The following PRSS41 variants were observed in gnomAD, a reference collection of about 807,000 sequenced individuals.
PRSS41 encodes the protein protease, serine 41.
A neutral mutation model predicts 28.8 loss-of-function variants in PRSS41; 37 were observed. That is an observed-to-expected ratio of 1.29 (90% CI 0.99 to 1.69). The LOEUF is 1.69. Among genes scored for constraint, PRSS41 ranks in the 40% most tolerant of loss-of-function variants. The pLI is 0.00. For missense variants in PRSS41, 431 were observed against 400.7 expected (o/e 1.08, Z -0.65); for synonymous variants, 195 against 163.1 (o/e 1.20, Z -1.49).
rs1251816694 is a variant in PRSS41 at position 2,804,385 on chromosome 16, C to T, written c.542-4C>T. On this transcript the variant is annotated splice_polypyrimidine_tract_variant and splice_region_variant and intron_variant, in intron 4 of 5. Transcript: ENST00000399677. ...GGTGCTGTCCTTTTCTGTCCTATCT[C>T]CAGCACCTCTGCCACCTCCTTACAA... The T allele has an allele frequency of 6.4e-6, 10 of 1,551,224 alleles. No individual in the cohort carries two copies. The highest frequency in any genetic ancestry group is 8.7e-6 in the Non-Finnish European group (10 of 1,146,926).
chr16:2,800,542 C>CAAAAAAAAAA (rs56393015), intron 4 of PRSS41, among the ~76,000 whole-genome samples: 1 of 81,944 alleles, frequency 1.2e-5, no homozygotes, highest in Admixed American at 1.2e-4. Flanking sequence ...GACTCCATCT[C>CAAAAAAAAAA]AAAAAAAAAA....
intron 4 of PRSS41, 34 bp from the exon 5 acceptor site, chr16:2,804,355 T>G: frequency 6.5e-7 from 1 of 1,547,666 alleles, no homozygotes; most frequent in South Asian, 1.2e-5. Context: ...AGAGGAGAGG[T>G]GAAGGGTGCT....
At position 2,799,036 on chromosome 16, in the gene PRSS41, G is replaced by T. The variant is rs769699754; in HGVS notation, c.169G>T (p.Ala57Ser). The change falls in exon 3 of 6, where the codon GCC becomes TCC. Residue 57 changes from alanine (A) to serine (S), a missense_variant. Coordinates refer to ENST00000399677, the Ensembl canonical transcript of PRSS41. ...CGCGCGCGGGCGCTGGCCATGGCAG[G>T]CCAGCCTGCGCCTGAGGAGACGCCA... 5 of 1,532,914 alleles carry T rather than the reference G, an allele frequency of 3.3e-6. No homozygotes were observed. The South Asian group carries it at 4.8e-5, about 15-fold the overall frequency. 95.0% of individuals were successfully genotyped at this position (1,532,914 alleles called of 1,614,324 possible). A position where few individuals can be genotyped will look rare whatever the true frequency, so the allele number is the denominator to read the frequency against.
At chr16:2,802,516 G>A (rs937537862) in intron 4 of PRSS41, among the ~76,000 whole-genome samples, 2 of 152,210 alleles carry the variant, frequency 1.3e-5, no homozygotes, top group Non-Finnish European at 2.9e-5. Flanking sequence ...GGCACTTTGG[G>A]AGGCCAAGGC....
At chr16:2,800,470 G>A (rs2068978716) in intron 4 of PRSS41, among the ~76,000 whole-genome samples, 1 of 150,360 alleles carries the variant, frequency 6.7e-6, no homozygotes, top group Non-Finnish European at 1.5e-5. Context: ...GAACCCGTGA[G>A]GGGCAGAGGT....
intron 2 of PRSS41, 94 bp from the exon 3 acceptor site, chr16:2,798,865 C>T: frequency 7.3e-7 from 1 of 1,369,866 alleles, no homozygotes; most frequent in African/African-American, 1.5e-5. Context: ...CGGGGAGCCC[C>T]CCGCTGCGCG....
At chr16:2,805,024 C>A (rs1209244547) in exon 6 of PRSS41, 1 of 1,563,974 alleles carries the variant, frequency 6.4e-7, no homozygotes, top group Non-Finnish European at 8.7e-7. Context: ...GTGTCTACAC[C>A]AACATCAGTG....
chr16:2,798,725 T>C, intron 2 of PRSS41, 63 bp downstream of exon 2: 1 of 1,350,576 alleles, frequency 7.4e-7, no homozygotes, highest in Non-Finnish European at 9.7e-7. Flanking sequence ...CGGGGGCCCA[T>C]CTACTGCTCT....
chr16:2,801,336 ATT>A (rs777421981), intron 4 of PRSS41, among the ~76,000 whole-genome samples: 2 of 138,834 alleles, frequency 1.4e-5, no homozygotes, highest in African/African-American at 5.4e-5. Flanking sequence ...TTGGACTCTT[ATT>A]TTTTTTTTTA....
In PRSS41 at chr16:2,799,534, G is replaced by A; in HGVS notation, c.506G>A (p.Trp169Ter). 6.4e-7 allele frequency: 1 copy of A among 1,551,774 alleles called. No individual in the cohort carries two copies. The highest frequency in any genetic ancestry group is 8.7e-7 in the Non-Finnish European group (1 of 1,147,036). The change falls in exon 4 of 6, where the codon TGG (tryptophan) becomes TAG (stop). Residue 169 changes from tryptophan to a stop codon, truncating the protein, a stop_gained. Coordinates refer to ENST00000399677, the Ensembl canonical transcript of PRSS41. LOFTEE classifies it high-confidence loss of function. Reference sequence around the variant, plus strand: ...AACTTCGTGCACCGGCCGGACTGCTGGGTGACCGGCTGGGGGTTAATCAGC... The same window carrying A: ...AACTTCGTGCACCGGCCGGACTGCTAGGTGACCGGCTGGGGGTTAATCAGC...
rs192140999 is a variant in PRSS41, at chr16:2,800,367, C to G, written c.541+798C>G. On this transcript the variant is annotated intron_variant, in intron 4 of 5. Coordinates refer to ENST00000399677, the Ensembl canonical transcript of PRSS41. Reference sequence around the variant, plus strand: ...ACCAGCCTGACCAATATGGTGAAACCCCGTCTCTACTAAAAATACAAAAAT... The same window carrying G: ...ACCAGCCTGACCAATATGGTGAAACGCCGTCTCTACTAAAAATACAAAAAT... Among the ~76,000 whole-genome samples the G allele has an allele frequency of 2.6e-4, 39 of 152,004 alleles. No homozygotes were observed. In the East Asian group the frequency reaches 7.0e-3, roughly 27 times the overall value.
At chr16:2,801,913 G>A (rs1251310594) in intron 4 of PRSS41, among the ~76,000 whole-genome samples, 1 of 151,520 alleles carries the variant, frequency 6.6e-6, no homozygotes, top group African/African-American at 2.4e-5. Flanking sequence ...CCCAGTAGGG[G>A]CGGCCGGGCA....
chr16:2,801,882 G>A (rs1278380042), intron 4 of PRSS41, among the ~76,000 whole-genome samples: 7 of 151,990 alleles, frequency 4.6e-5, no homozygotes, highest in Admixed American at 2.6e-4. Context: ...GGTGGTGGCC[G>A]GGCAGAGGGG....
At chr16:2,799,049 TGAG>T in exon 3 of PRSS41, 2 of 1,533,212 alleles carry the variant, frequency 1.3e-6, no homozygotes, top group Non-Finnish European at 1.7e-6. Flanking sequence ...AGCCTGCGCC[TGAG>T]GAGACGCCAC....
chr16:2,799,303 A>T, exon 4 of PRSS41: 3 of 1,551,480 alleles, frequency 1.9e-6, no homozygotes, highest in Non-Finnish European at 2.6e-6. Context: ...TATCCCTCCG[A>T]GTGGACGGTC....
At chr16:2,798,889 A>G (rs1164849455) in intron 2 of PRSS41, 70 bp from the exon 3 acceptor site, 4 of 1,440,220 alleles carry the variant, frequency 2.8e-6, no homozygotes, top group Non-Finnish European at 2.7e-6. Flanking sequence ...CCCGGGGCAA[A>G]GCCGGGCAGG....
At position 2,798,915 on chromosome 16, in the gene PRSS41, C is replaced by A; in HGVS notation, c.92-44C>A. 10 of 1,480,958 alleles carry A rather than the reference C, an allele frequency of 6.8e-6. No homozygotes were observed. The South Asian group carries it at 8.8e-5, about 13-fold the overall frequency. The allele number at this position is 1,480,958 out of a possible 1,614,324, so 91.7% of individuals were successfully genotyped here. ...GCCGGGCAGGGCGGGCCTGCCCACCCCACCCCACCCGGCAGCTCAGCCGCG... is the reference window on the plus strand; with the variant it reads ...GCCGGGCAGGGCGGGCCTGCCCACCACACCCCACCCGGCAGCTCAGCCGCG... On this transcript the variant is annotated intron_variant, in intron 2 of 5. Transcript: ENST00000399677.
At chr16:2,800,106 G>A (rs1018400519) in intron 4 of PRSS41, among the ~76,000 whole-genome samples, 13 of 152,228 alleles carry the variant, frequency 8.5e-5, no homozygotes, top group African/African-American at 3.1e-4. Context: ...CACCCAGACT[G>A]TGTGGTCTAG....
chr16:2,798,761 G>A (rs2068964913), intron 2 of PRSS41, 99 bp downstream of exon 2: 1 of 1,265,970 alleles, frequency 7.9e-7, no homozygotes, highest in Non-Finnish European at 1.0e-6. Flanking sequence ...AGAACGTGAT[G>A]CTCTCAAGTA....
Sources: gnomAD v4.1 joint callset for allele counts (sites outside exome capture counted in the v4.1 genomes callset) on GRCh38, gnomAD v4.1.1 for gene constraint, MANE v1.5 for transcripts, NCBI Gene and HGNC (gene_info 2026-07-23, HGNC 2026-07-21) for gene names.